NOM1: variants seen among roughly 807,000 people sequenced by gnomAD.
NOM1 encodes the protein nucleolar MIF4G domain-containing protein 1.
Under a neutral mutation model 73.3 loss-of-function variants are expected in NOM1, and 58 were observed. The observed-to-expected ratio is 0.79, with a 90% CI of 0.64 to 0.99. The LOEUF (loss-of-function observed/expected upper bound fraction) is 0.99. Among genes scored for constraint, NOM1 ranks in the 50% least tolerant of loss-of-function variants. The probability of loss-of-function intolerance (pLI) is 0.00; values close to 1 mark genes in which losing one functional copy is unlikely to be tolerated. For missense variants in NOM1, 1,226 were observed against 1,131.9 expected (o/e 1.08, Z -1.19); for synonymous variants, 487 against 446.8 (o/e 1.09, Z -1.14).
intron 2 of NOM1, 143 bp downstream of exon 2, chr7:156,952,741 C>A: frequency 1.2e-6 from 1 of 830,344 alleles, no homozygotes; most frequent in Non-Finnish European, 1.8e-6. Flanking sequence ...GCACCGAGAC[C>A]CATGAGACCC....
At position 156,950,240 on chromosome 7, in the gene NOM1, C is replaced by A. The variant is rs1804549862; in HGVS notation, c.503C>A (p.Ala168Asp). The A allele has an allele frequency of 2.5e-6, 4 of 1,613,072 alleles. No individual in the cohort carries two copies. The African/African-American group carries it at 5.3e-5, about 22-fold the overall frequency. The change falls in exon 1 of 11, where the codon GCC becomes GAC. Residue 168 changes from alanine (A) to aspartate (D), a missense_variant. Ala to Asp is a moderately radical substitution (Grantham distance 126). Coordinates refer to ENST00000275820, the MANE Select transcript of NOM1 (RefSeq NM_138400.2). Reference sequence around the variant, plus strand: ...ACCAGACCCTCCGCAGCCGCCACCGCCGCTGCCCGGAAACGGGCGCTTTTA... The same window carrying A: ...ACCAGACCCTCCGCAGCCGCCACCGACGCTGCCCGGAAACGGGCGCTTTTA... ...AKTRPSAAAT[A>D]AARKRALLAA...
intron 3 of NOM1, among the ~76,000 whole-genome samples, chr7:156,954,522 CTT>C (rs34176770): frequency 0.22 from 22,585 of 101,526 alleles, 2,344 homozygotes; most frequent in Middle Eastern, 0.39. Context: ...TCTGTCCATT[CTT>C]TTTTTTTTTT....
intron 9 of NOM1, among the ~76,000 whole-genome samples, chr7:156,967,440 T>C (rs1805025566): frequency 6.6e-6 from 1 of 152,216 alleles, no homozygotes; most frequent in African/African-American, 2.4e-5. Flanking sequence ...GAGGTGAGTT[T>C]GCTCACGTTG....
intron 2 of NOM1, 120 bp from the exon 3 acceptor site, chr7:156,953,982 CA>C: frequency 2.6e-6 from 2 of 765,384 alleles, no homozygotes; most frequent in Non-Finnish European, 4.2e-6. Context: ...GTTAAGGGGT[CA>C]AAAGTGTACA....
At chr7:156,952,879 G>A (rs906824119) in intron 2 of NOM1, among the ~76,000 whole-genome samples, 9 of 152,352 alleles carry the variant, frequency 5.9e-5, no homozygotes, top group East Asian at 1.9e-4. Context: ...TTCTTTGTCC[G>A]TCTAAGGACA....
At chr7:156,956,021 T>C (rs1804711570) in intron 3 of NOM1, among the ~76,000 whole-genome samples, 1 of 151,860 alleles carries the variant, frequency 6.6e-6, no homozygotes, top group Non-Finnish European at 1.5e-5. Context: ...AAACCCCGTC[T>C]CTACTAAAAA....
At chr7:156,952,420 A>G in intron 1 of NOM1, 54 bp from the exon 2 acceptor site, 2 of 1,570,932 alleles carry the variant, frequency 1.3e-6, no homozygotes, top group South Asian at 2.4e-5. Flanking sequence ...CAAAGAAAAA[A>G]CACAGGATTT....
At position 156,952,586 on chromosome 7, in the gene NOM1, G is replaced by T; in HGVS notation, c.1100G>T (p.Gly367Val). The T allele has an allele frequency of 6.2e-7, 1 of 1,613,766 alleles. No homozygotes were observed. Among genetic ancestry groups the T allele is most frequent in the South Asian group, 1.1e-5 (1 of 91,006 alleles). ...ELERLKKHVK[G>V]LLNRLSEPNM... ...GAAAGGCTGAAGAAACATGTAAAAGGTCTACTTAACAGGTGACCTTGTAGT... is the reference window on the plus strand; with the variant it reads ...GAAAGGCTGAAGAAACATGTAAAAGTTCTACTTAACAGGTGACCTTGTAGT... The change falls in exon 2 of 11, where the codon GGT (glycine) becomes GTT (valine). Residue 367 changes from glycine to valine, a missense_variant. Gly to Val is a moderately radical substitution (Grantham distance 109, BLOSUM62 -3). Transcript: ENST00000275820.
At chr7:156,951,540 C>T (rs1804592952) in intron 1 of NOM1, among the ~76,000 whole-genome samples, 1 of 152,144 alleles carries the variant, frequency 6.6e-6, no homozygotes. Context: ...CCACATCGCA[C>T]TAGTTCTATG....
intron 7 of NOM1, 105 bp downstream of exon 7, chr7:156,964,131 G>C: frequency 8.1e-7 from 1 of 1,239,222 alleles, no homozygotes; most frequent in Non-Finnish European, 1.1e-6. Flanking sequence ...GCTGCCTAGG[G>C]AGGACTGGGC....
At chr7:156,952,452 A>G in intron 1 of NOM1, 22 bp from the exon 2 acceptor site, 1 of 1,596,136 alleles carries the variant, frequency 6.3e-7, no homozygotes, top group South Asian at 1.1e-5. Flanking sequence ...ATTTTTTGTA[A>G]TTTATTTCTC....
At chr7:156,967,163 A>G in intron 9 of NOM1, 71 bp downstream of exon 9, 2 of 1,534,262 alleles carry the variant, frequency 1.3e-6, no homozygotes, top group Non-Finnish European at 1.8e-6. Flanking sequence ...CTGGTAAATC[A>G]GGTCCTGTTT....
Position 156,950,057 on chromosome 7 carries a change from G to T in NOM1, c.320G>T (p.Gly107Val). 2 of 1,543,548 alleles carry T rather than the reference G, an allele frequency of 1.3e-6. No homozygotes were observed. Among genetic ancestry groups the T allele is most frequent in the Non-Finnish European group, 8.7e-7 (1 of 1,146,936 alleles). The change falls in exon 1 of 11, where the codon GGT becomes GTT. Residue 107 changes from glycine to valine, a missense_variant. Gly to Val is a moderately radical substitution (Grantham distance 109). Transcript: ENST00000275820. ...RLQRTAGPEQGPGLGGRSGAE... is the reference protein window; with the variant it reads ...RLQRTAGPEQVPGLGGRSGAE... ...CAGAGGACGGCGGGCCCCGAACAGG[G>T]TCCCGGCCTGGGAGGCCGAAGCGGA...
chr7:156,960,155 A>C lies in NOM1; in HGVS notation c.1613A>C (p.Glu538Ala). The change falls in exon 4 of 11, where the codon GAG becomes GCG. Residue 538 changes from glutamate (E) to alanine (A), a missense_variant. By Grantham distance (107) the Glu-to-Ala change is moderately radical. Transcript: ENST00000275820. ...AQTKASGAGSEFQDQTRIRFM... is the reference protein window; with the variant it reads ...AQTKASGAGSAFQDQTRIRFM... The stretch of plus-strand genomic sequence containing the variant: ...ACCAAAGCCAGCGGGGCAGGCAGCG[A>C]GTTTCAGGACCAGACCAGGGTACGC... 3.1e-6 allele frequency: 5 copies of C among 1,613,400 alleles called. No homozygotes were observed. The highest frequency in any genetic ancestry group is 4.2e-6 in the Non-Finnish European group (5 of 1,179,906).
chr7:156,961,385 G>C (rs55687578), intron 4 of NOM1, among the ~76,000 whole-genome samples: 37,745 of 152,032 alleles, frequency 0.25, 5,000 homozygotes, highest in East Asian at 0.47. Context: ...AGTCTGAAGA[G>C]GAGGGGGCTG....
Position 156,963,439 on chromosome 7 carries a change from C to T in NOM1, c.1911+264C>T, listed in dbSNP as rs1586573227. On this transcript the variant is annotated intron_variant, in intron 6 of 10. Coordinates refer to ENST00000275820, the MANE Select transcript of NOM1 (RefSeq NM_138400.2). ...GGGAGCGCATGAGGACCTGAACGCT[C>T]ACGGGGCAGGAGTCCGTTGCTGAGA... 1.9e-5 allele frequency: 10 copies of T among 523,230 alleles called. No individual in the cohort carries two copies. In the East Asian group the frequency reaches 3.1e-4, roughly 16 times the overall value. The allele number at this position is 523,230 out of a possible 1,614,324, so 32.4% of individuals were successfully genotyped here. A position where few individuals can be genotyped will look rare whatever the true frequency, so the allele number is the denominator to read the frequency against.
At chr7:156,968,338 C>A (rs1805054112) in intron 9 of NOM1, among the ~76,000 whole-genome samples, 1 of 152,148 alleles carries the variant, frequency 6.6e-6, no homozygotes, top group African/African-American at 2.4e-5. Context: ...CCCGCCCTGC[C>A]CCTCCGGGCT....
At chr7:156,953,286 C>T (rs891252991) in intron 2 of NOM1, among the ~76,000 whole-genome samples, 3 of 152,130 alleles carry the variant, frequency 2.0e-5, no homozygotes, top group East Asian at 1.9e-4. Context: ...TGCGCCACCA[C>T]GCCAACTAGT....
At position 156,960,160 on chromosome 7, in the gene NOM1, C is replaced by G. The variant is rs757741583; in HGVS notation, c.1618C>G (p.Gln540Glu). 6.2e-7 allele frequency: 1 copy of G among 1,613,128 alleles called. No homozygotes were observed. Among genetic ancestry groups the G allele is most frequent in the African/African-American group, 1.3e-5 (1 of 74,760 alleles). ...AGCCAGCGGGGCAGGCAGCGAGTTT[C>G]AGGACCAGACCAGGGTACGCGTGCG... Reference protein sequence around the residue: ...TKASGAGSEFQDQTRIRFMLE... With the variant: ...TKASGAGSEFEDQTRIRFMLE... The change falls in exon 4 of 11, where the codon CAG becomes GAG. Residue 540 changes from glutamine to glutamate, a missense_variant. Transcript: ENST00000275820.
Sources: allele counts gnomAD v4.1 joint callset (sites outside exome capture counted in the v4.1 genomes callset), GRCh38; gene constraint gnomAD v4.1.1; transcripts MANE v1.5; gene names NCBI Gene and HGNC (gene_info 2026-07-23, HGNC 2026-07-21).